NDRG4: variants seen among roughly 807,000 people sequenced by gnomAD.
NDRG4 encodes protein NDRG4.
NDRG4 carries 38 observed loss-of-function variants against 55.8 expected under a neutral mutation model. The ratio of observed to expected loss-of-function variants is 0.68; its 90% confidence interval spans 0.53 to 0.89. NDRG4 has a LOEUF of 0.89. NDRG4 is among the 40% of genes least tolerant of loss of function. The pLI, the probability that NDRG4 is intolerant of heterozygous loss-of-function variation, is 0.00. For missense variants in NDRG4, 455 were observed against 468.6 expected (o/e 0.97, Z 0.27); for synonymous variants, 190 against 182.7 (o/e 1.04, Z -0.32).
At chr16:58,497,682 T>C (rs2036566652), upstream of NDRG4, among the ~76,000 whole-genome samples, 1 of 152,196 alleles carries the variant, frequency 6.6e-6, no homozygotes. Context: ...GTGGCAGAGC[T>C]ATGAGTGGCA....
At chr16:58,471,613 C>T (rs565674980) in intron 1 of NDRG4, among the ~76,000 whole-genome samples, 39 of 152,304 alleles carry the variant, frequency 2.6e-4, no homozygotes, top group African/African-American at 9.1e-4. Context: ...ATACACCACC[C>T]CCTCCCTGCC....
In NDRG4 at chr16:58,512,023, A is replaced by G. The variant is rs1249000994; in HGVS notation, c.*447A>G. Reference sequence around the variant, plus strand: ...AGACCCCTTCCCCCACCCTCCACCAAGCACACCTGTTTCTGTCTCATAGCA... The same window carrying G: ...AGACCCCTTCCCCCACCCTCCACCAGGCACACCTGTTTCTGTCTCATAGCA... On this transcript the variant is annotated 3_prime_UTR_variant, in exon 15 of 15. Coordinates refer to ENST00000570248, the MANE Select transcript of NDRG4 (RefSeq NM_001242835.2). The G allele has an allele frequency of 4.4e-6, 2 of 459,090 alleles. No homozygotes were observed. Among genetic ancestry groups the G allele is most frequent in the Middle Eastern group, 3.2e-4 (1 of 3,100 alleles). The allele number at this position is 459,090 out of a possible 1,614,324, so 28.4% of individuals were successfully genotyped here.
chr16:58,507,135 T>C (rs1466801724), intron 8 of NDRG4, 120 bp downstream of exon 8: 4 of 760,728 alleles, frequency 5.3e-6, no homozygotes, highest in African/African-American at 1.7e-5. Flanking sequence ...GGGCACGATA[T>C]TGGGCCTCAA....
chr16:58,465,831 G>A (rs895270636), intron 1 of NDRG4, among the ~76,000 whole-genome samples: 1 of 152,340 alleles, frequency 6.6e-6, no homozygotes, highest in South Asian at 2.1e-4. Context: ...CTGACTGGGT[G>A]CTCAGAAGTT....
At position 58,488,843 on chromosome 16, in the gene NDRG4, G is replaced by A. The variant is rs138883502; in HGVS notation, c.72+993G>A. On this transcript the variant is annotated intron_variant, in intron 2 of 15. Coordinates refer to the NDRG4 transcript ENST00000258187. ...GCCTGGCTTATCCGAGGGCAGCCAC[G>A]GATAAGCTGCCCTGGTGGGGTGGTG... is the stretch of plus-strand genomic sequence containing the variant. Among the ~76,000 whole-genome samples, 597 of 152,254 alleles carry A rather than the reference G, an allele frequency of 3.9e-3. 4 individuals carry two copies. Among genetic ancestry groups the A allele is most frequent in the Non-Finnish European group, 6.2e-3 (425 of 68,006 alleles).
intron 1 of NDRG4, among the ~76,000 whole-genome samples, chr16:58,480,797 A>G (rs941398432): frequency 6.6e-6 from 1 of 152,068 alleles, no homozygotes; most frequent in African/African-American, 2.4e-5. Context: ...TGGGTTAGCA[A>G]GATGATAGAG....
chr16:58,510,802 G>A lies in NDRG4; in HGVS notation c.904+119G>A, dbSNP rs2038707439. On this transcript the variant is annotated intron_variant, in intron 14 of 14. Coordinates refer to ENST00000570248, the MANE Select transcript of NDRG4 (RefSeq NM_001242835.2). ...TTGCTGTGGTTTGGAACCTTCTTGT[G>A]TCCTGTTCAACTCAGAAACCCCACA... is the stretch of plus-strand genomic sequence containing the variant. 1.3e-5 allele frequency: 12 copies of A among 943,662 alleles called. No individual in the cohort carries two copies. In the South Asian group the frequency reaches 1.4e-4, roughly 11 times the overall value. The allele number at this position is 943,662 out of a possible 1,614,324, so 58.5% of individuals were successfully genotyped here.
chr16:58,482,214 G>A (rs1374745359), intron 1 of NDRG4, among the ~76,000 whole-genome samples: 1 of 152,150 alleles, frequency 6.6e-6, no homozygotes, highest in African/African-American at 2.4e-5. Flanking sequence ...ATAATAATGG[G>A]ACCTTATAAC....
chr16:58,500,092 C>G, upstream of NDRG4: 1 of 1,509,672 alleles, frequency 6.6e-7, no homozygotes, highest in East Asian at 2.5e-5. Flanking sequence ...GAGGGGCTAG[C>G]TAGGCTGGGC....
chr16:58,487,906 A>T, intron 2 of NDRG4: 1 of 1,350,014 alleles, frequency 7.4e-7, no homozygotes, highest in African/African-American at 1.5e-5. Context: ...CCTCGTGGCC[A>T]AGAGGGAGAC....
exon 2 of NDRG4, chr16:58,487,762 T>C: frequency 6.5e-7 from 1 of 1,541,134 alleles, no homozygotes; most frequent in Non-Finnish European, 8.8e-7. Context: ...CTAGGCCTCC[T>C]GCTCCACGAC....
intron 1 of NDRG4, among the ~76,000 whole-genome samples, chr16:58,472,592 C>G (rs547873214): frequency 6.6e-6 from 1 of 152,264 alleles, no homozygotes; most frequent in Non-Finnish European, 1.5e-5. Flanking sequence ...CGTTAGGTCT[C>G]TTGGGTGCAA....
intron 5 of NDRG4, among the ~76,000 whole-genome samples, chr16:58,505,713 C>CTTTTTTTTTTTT (rs1028370131): frequency 1.2e-4 from 7 of 58,658 alleles, no homozygotes; most frequent in African/African-American, 4.6e-4. Context: ...GCTTCATTTT[C>CTTTTTTTTTTTT]TTTTTTTTTT....
At chr16:58,482,173 T>C (rs2034477260) in intron 1 of NDRG4, among the ~76,000 whole-genome samples, 1 of 152,198 alleles carries the variant, frequency 6.6e-6, no homozygotes, top group South Asian at 2.1e-4. Flanking sequence ...GGCCTGGGTA[T>C]GGCTCATTTC....
At chr16:58,510,402 G>A (rs374020887) in intron 13 of NDRG4, among the ~76,000 whole-genome samples, 172 of 152,334 alleles carry the variant, frequency 1.1e-3, no homozygotes, top group African/African-American at 4.1e-3. Context: ...AGAATGGTGA[G>A]GGGATAAGCA....
rs147886018 is a variant in NDRG4, at chr16:58,475,889, C to T, written c.-23-11867C>T. Among the ~76,000 whole-genome samples, 9 of 152,258 alleles carry T rather than the reference C, an allele frequency of 5.9e-5. No individual in the cohort carries two copies. The East Asian group carries it at 1.7e-3, about 29-fold the overall frequency. ...TTGGCACACTGCAACTTCTGCCTCC[C>T]AGGTTCAAGTGATTCTCCTGCCTCA... On this transcript the variant is annotated intron_variant, in intron 1 of 15. Transcript: ENST00000258187.
chr16:58,501,324 C>T lies in NDRG4; in HGVS notation c.21+1055C>T, dbSNP rs1035789131. On this transcript the variant is annotated intron_variant, in intron 1 of 14. Transcript: ENST00000570248. Reference sequence around the variant, plus strand: ...CCGGCGCAAAGCCCGGCTCAAAGCCCCACTCCCCTCCAGTGCTCAAGGTCA... The same window carrying T: ...CCGGCGCAAAGCCCGGCTCAAAGCCTCACTCCCCTCCAGTGCTCAAGGTCA... 1.9e-5 allele frequency: 7 copies of T among 371,782 alleles called. No individual in the cohort carries two copies. The East Asian group carries it at 1.9e-4, about 10-fold the overall frequency. 23.0% of individuals were successfully genotyped at this position (371,782 alleles called of 1,614,324 possible). A position where few individuals can be genotyped will look rare whatever the true frequency, so the allele number is the denominator to read the frequency against.
intron 1 of NDRG4, chr16:58,501,430 A>T: frequency 4.8e-6 from 1 of 207,300 alleles, no homozygotes; most frequent in Non-Finnish European, 9.6e-6. Context: ...GCCTGCGCCT[A>T]CCTGGAGGCG....
Position 58,477,161 on chromosome 16 carries a change from G to GATAT in NDRG4, c.-23-10582_-23-10579dup, listed in dbSNP as rs370447012. On this transcript the variant is annotated intron_variant, in intron 1 of 15. Transcript: ENST00000258187. ...ATATATGTGTGATATATATATATGT[G>GATAT]ATATATATATATATATGTATGTGTG... Among the ~76,000 whole-genome samples, 578 of 147,978 alleles carry GATAT rather than the reference G, an allele frequency of 3.9e-3. 12 individuals are homozygous for GATAT. Among genetic ancestry groups the GATAT allele is most frequent in the Admixed American group, 0.033 (483 of 14,724 alleles).
Sources: gnomAD v4.1 joint callset for allele counts (sites outside exome capture counted in the v4.1 genomes callset) on GRCh38, gnomAD v4.1.1 for gene constraint, MANE v1.5 for transcripts, NCBI Gene and HGNC (gene_info 2026-07-23, HGNC 2026-07-21) for gene names.